The following PLEKHM3 variants were observed in gnomAD, a reference collection of about 807,000 sequenced individuals.
The protein encoded by PLEKHM3 is pleckstrin homology domain-containing family M member 3.
A neutral mutation model predicts 81.8 loss-of-function variants in PLEKHM3; 45 were observed. The ratio of observed to expected loss-of-function variants is 0.55; its 90% CI spans 0.43 to 0.71. PLEKHM3 has a LOEUF of 0.71. Ranked by LOEUF, PLEKHM3 falls within the 30% of genes least tolerant of loss-of-function variation. The pLI is 0.00. For missense variants in PLEKHM3, 788 were observed against 924.3 expected (o/e 0.85, Z 1.91); for synonymous variants, 352 against 356.4 (o/e 0.99, Z 0.14).
At chr2:208,004,226 C>G (rs2106098232) in intron 1 of PLEKHM3, among the ~76,000 whole-genome samples, 1 of 152,052 alleles carries the variant, frequency 6.6e-6, no homozygotes, top group Non-Finnish European at 1.5e-5. Flanking sequence ...ACCAGCCTGG[C>G]CAACATGGTG....
chr2:207,837,696 C>T, intron 7 of PLEKHM3, among the ~76,000 whole-genome samples: 1 of 128,928 alleles, frequency 7.8e-6, no homozygotes, highest in Admixed American at 9.6e-5. Context: ...TCGTGATCTG[C>T]CCACCTCGGC....
At chr2:207,950,672 A>G (rs1252988184) in intron 3 of PLEKHM3, among the ~76,000 whole-genome samples, 1 of 152,178 alleles carries the variant, frequency 6.6e-6, no homozygotes, top group Non-Finnish European at 1.5e-5. Context: ...CTCGAGCTCT[A>G]AAATTCTGCT....
At chr2:208,007,699 C>T (rs1451185551) in intron 1 of PLEKHM3, among the ~76,000 whole-genome samples, 2 of 152,156 alleles carry the variant, frequency 1.3e-5, no homozygotes, top group Non-Finnish European at 2.9e-5. Context: ...AGGAGGATAA[C>T]TTGAGGCCAG....
chr2:207,988,208 C>T (rs1331749823), intron 2 of PLEKHM3, among the ~76,000 whole-genome samples: 6 of 152,194 alleles, frequency 3.9e-5, no homozygotes, highest in African/African-American at 1.2e-4. Flanking sequence ...ATATAAGATG[C>T]TTGGCTTCAC....
At chr2:207,894,519 TC>T (rs1688156965) in intron 6 of PLEKHM3, among the ~76,000 whole-genome samples, 1 of 122,044 alleles carries the variant, frequency 8.2e-6, no homozygotes, top group Non-Finnish European at 1.6e-5. Flanking sequence ...ATTCCTGCCT[TC>T]CAACCAGTGG....
At position 207,847,735 on chromosome 2, in the gene PLEKHM3, G is replaced by A. The variant is rs528416300; in HGVS notation, c.2108+13370C>T. Among the ~76,000 whole-genome samples the A allele has an allele frequency of 5.9e-5, 9 of 152,228 alleles. No homozygotes were observed. In the South Asian group the frequency reaches 1.9e-3, roughly 32 times the overall value. On this transcript the variant is annotated intron_variant, in intron 7 of 7. Transcript: ENST00000427836. ...AGAAACAAACAGCTCCTCTGAAAAG[G>A]TACTCTACAGAGGAGCAGAAGTTTC...
chr2:207,889,058 G>A (rs1338940532), intron 6 of PLEKHM3, among the ~76,000 whole-genome samples: 1 of 152,120 alleles, frequency 6.6e-6, no homozygotes, highest in Non-Finnish European at 1.5e-5. Context: ...TTTTGGATCT[G>A]TCCAATTACT....
intron 2 of PLEKHM3, among the ~76,000 whole-genome samples, chr2:207,979,757 A>C (rs1216114154): frequency 2.0e-5 from 3 of 151,854 alleles, no homozygotes; most frequent in Non-Finnish European, 4.4e-5. Flanking sequence ...CTTTTGACTA[A>C]AGAAAAAAAG....
At chr2:207,960,830 A>G (rs542526409) in intron 3 of PLEKHM3, among the ~76,000 whole-genome samples, 1 of 152,306 alleles carries the variant, frequency 6.6e-6, no homozygotes, top group Non-Finnish European at 1.5e-5. Flanking sequence ...CATTTTCCCA[A>G]AGGTTTTCCA....
chr2:207,929,719 G>T (rs545205743), intron 5 of PLEKHM3, among the ~76,000 whole-genome samples: 1 of 152,082 alleles, frequency 6.6e-6, no homozygotes, highest in South Asian at 2.1e-4. Flanking sequence ...TTGCTTTATG[G>T]CAGCTGTCTT....
chr2:207,931,978 C>T (rs1046506719), intron 4 of PLEKHM3, among the ~76,000 whole-genome samples: 5 of 152,128 alleles, frequency 3.3e-5, no homozygotes, highest in African/African-American at 1.2e-4. Flanking sequence ...ATCTAACAAA[C>T]AAACAAACAA....
rs199868971 is a variant in PLEKHM3 at position 208,003,774 on chromosome 2, CTT to C, written c.-318-1819_-318-1818del. ...TTTTAGTGCTTCTGTAATTTTGAAA[CTT>C]GGGATATTTTTCAATTTCATCTTGT... On this transcript the variant is annotated intron_variant, in intron 1 of 7. Transcript: ENST00000427836. Among the ~76,000 whole-genome samples, 114 of 152,198 alleles carry C rather than the reference CTT, an allele frequency of 7.5e-4. 1 individual carries two copies. The East Asian group carries it at 0.018, about 24-fold the overall frequency.
At chr2:208,005,988 T>C (rs552236480) in intron 1 of PLEKHM3, among the ~76,000 whole-genome samples, 4 of 152,192 alleles carry the variant, frequency 2.6e-5, no homozygotes, top group Non-Finnish European at 5.9e-5. Context: ...GAGCCCTTCC[T>C]AGTCGGTCAG....
At chr2:208,017,068 T>C (rs1043455229) in intron 1 of PLEKHM3, among the ~76,000 whole-genome samples, 1 of 152,244 alleles carries the variant, frequency 6.6e-6, no homozygotes, top group African/African-American at 2.4e-5. Flanking sequence ...CAATGTAGTA[T>C]TCAGCATTTA....
chr2:207,995,784 G>C (rs1350920672), intron 2 of PLEKHM3, among the ~76,000 whole-genome samples: 1 of 152,102 alleles, frequency 6.6e-6, no homozygotes, highest in South Asian at 2.1e-4. Context: ...AAACACACTA[G>C]GTGCTCAGAT....
chr2:207,925,723 C>G (rs776058815), intron 5 of PLEKHM3, among the ~76,000 whole-genome samples: 2 of 152,170 alleles, frequency 1.3e-5, no homozygotes, highest in African/African-American at 2.4e-5. Flanking sequence ...TGTGGTGAGG[C>G]TGCTGCTCCA....
At chr2:207,956,544 A>T (rs186438945) in intron 3 of PLEKHM3, among the ~76,000 whole-genome samples, 2,878 of 148,460 alleles carry the variant, frequency 0.019, 91 homozygotes, top group African/African-American at 0.067. Flanking sequence ...TAAAAAAAAA[A>T]TTTTTTTTTT....
At chr2:207,929,451 A>G (rs1426999370) in intron 5 of PLEKHM3, among the ~76,000 whole-genome samples, 1 of 152,262 alleles carries the variant, frequency 6.6e-6, no homozygotes, top group Non-Finnish European at 1.5e-5. Flanking sequence ...TTGTCTAGAA[A>G]TACAGGCACA....
chr2:207,979,893 A>T lies in PLEKHM3; in HGVS notation c.611-2307T>A, dbSNP rs1190669754. Reference sequence around the variant, plus strand: ...GACATTCATTAGTATTTCTGTGGTAACTCAAAAGCCATTAATTTCTTGCAA... The same window carrying T: ...GACATTCATTAGTATTTCTGTGGTATCTCAAAAGCCATTAATTTCTTGCAA... On this transcript the variant is annotated intron_variant, in intron 2 of 7. Transcript: ENST00000427836. Among the ~76,000 whole-genome samples, 3 of 152,172 alleles carry T rather than the reference A, an allele frequency of 2.0e-5. No homozygotes were observed. The East Asian group carries it at 5.8e-4, about 29-fold the overall frequency.
Sources: allele counts gnomAD v4.1 joint callset (sites outside exome capture counted in the v4.1 genomes callset), GRCh38; gene constraint gnomAD v4.1.1; transcripts MANE v1.5; gene names NCBI Gene and HGNC (gene_info 2026-07-23, HGNC 2026-07-21).